Variants in TRDMT1 observed in about 807,000 individuals in gnomAD.
TRDMT1 encodes the protein tRNA (cytosine(38)-C(5))-methyltransferase.
Under a neutral mutation model 51.2 loss-of-function variants are expected in TRDMT1, and 49 were observed. That is an observed-to-expected ratio of 0.96 (90% confidence interval 0.76 to 1.21). TRDMT1 has a LOEUF of 1.21. TRDMT1 is among the 50% of genes most tolerant of loss of function. TRDMT1 has a pLI of 0.00. For synonymous variants in TRDMT1, 187 were observed against 164.6 expected (o/e 1.14, Z -1.04); for missense variants, 534 against 462.3 (o/e 1.16, Z -1.42).
In TRDMT1 at chr10:17,138,467, A is replaced by G. The variant is rs183232770; in HGVS notation, c.*10573T>C. The stretch of plus-strand genomic sequence containing the variant: ...AAAATAATGATGGAAATCAAGGTAC[A>G]TTTAAAACTATTCTTTTGCTCATTT... On this transcript the variant is annotated 3_prime_UTR_variant, in exon 11 of 11. Transcript: ENST00000377799. Among the ~76,000 whole-genome samples the G allele has an allele frequency of 2.2e-4, 33 of 152,346 alleles. No homozygotes were observed. In the East Asian group the frequency reaches 5.8e-3, roughly 27 times the overall value.
Position 17,148,947 on chromosome 10 carries a change from A to C in TRDMT1, c.*93T>G, listed in dbSNP as rs543246431. 1.0e-5 allele frequency: 14 copies of C among 1,403,768 alleles called. No homozygotes were observed. In the South Asian group the frequency reaches 2.1e-4, roughly 21 times the overall value. The allele number at this position is 1,403,768 out of a possible 1,614,324, so 87.0% of individuals were successfully genotyped here. A position where few individuals can be genotyped will look rare whatever the true frequency, so the allele number is the denominator to read the frequency against. ...AGGACAGATTAAAATAATTTAGTTA[A>C]ATTTCACCAGAATTAGTTCAAAACA... is the stretch of plus-strand genomic sequence containing the variant. On this transcript the variant is annotated 3_prime_UTR_variant, in exon 11 of 11. Transcript: ENST00000377799.
intron 2 of TRDMT1, chr10:17,169,681 A>AT (rs1841704299): frequency 2.2e-6 from 1 of 455,392 alleles, no homozygotes; most frequent in African/African-American, 2.0e-5. Flanking sequence ...GCCCACTTCT[A>AT]AGAAGTTCAA....
intron 10 of TRDMT1, chr10:17,153,130 AT>A (rs1414347367): frequency 7.9e-5 from 25 of 314,586 alleles, no homozygotes; most frequent in Non-Finnish European, 1.3e-4. Flanking sequence ...TAAAAAGCCA[AT>A]CGAAAGCATT....
intron 10 of TRDMT1, chr10:17,153,133 G>A (rs3780961): frequency 0.45 from 144,486 of 319,496 alleles, 35,363 homozygotes; most frequent in South Asian, 0.57. Flanking sequence ...AAAGCCAATC[G>A]AAAGCATTCT....
At chr10:17,154,362 T>C (rs1280413868) in intron 9 of TRDMT1, among the ~76,000 whole-genome samples, 1 of 152,168 alleles carries the variant, frequency 6.6e-6, no homozygotes. Flanking sequence ...TTAAGATGTT[T>C]GTACAACATT....
chr10:17,164,353 T>C (rs570511745), intron 3 of TRDMT1, among the ~76,000 whole-genome samples: 1 of 152,198 alleles, frequency 6.6e-6, no homozygotes, highest in Admixed American at 6.5e-5. Flanking sequence ...AAATTAGGTA[T>C]TGATGGGACA....
chr10:17,170,840 G>T (rs1841884949), intron 2 of TRDMT1, among the ~76,000 whole-genome samples: 1 of 152,038 alleles, frequency 6.6e-6, no homozygotes, highest in South Asian at 2.1e-4. Flanking sequence ...ATTGTATGCT[G>T]TAGGTTATCA....
rs1318208991 is a variant in TRDMT1, at chr10:17,139,255, A to C, written c.*9785T>G. 1.0e-5 allele frequency: 10 copies of C among 971,508 alleles called. No individual in the cohort carries two copies. The highest frequency in any genetic ancestry group is 1.2e-5 in the Non-Finnish European group (10 of 817,214). The allele number at this position is 971,508 out of a possible 1,614,324, so 60.2% of individuals were successfully genotyped here. On this transcript the variant is annotated 3_prime_UTR_variant, in exon 11 of 11. Coordinates refer to ENST00000377799, the MANE Select transcript of TRDMT1 (RefSeq NM_004412.7). ...TGGTGACCCCTAAAATTCCCCAAAC[A>C]AGGCGGTGAAGTTAAATATTTAGAC...
chr10:17,147,418 T>A lies in TRDMT1; in HGVS notation c.*1622A>T, dbSNP rs148125636. 2.6e-3 allele frequency: 2,247 copies of A among 871,702 alleles called. 46 individuals are homozygous for A. The African/African-American group carries it at 0.034, about 13-fold the overall frequency. The allele number at this position is 871,702 out of a possible 1,614,324, so 54.0% of individuals were successfully genotyped here. ...TAAAATATACATAATGTAAAATTTA[T>A]CATTTTAACTATTTTTAAATATACA... On this transcript the variant is annotated 3_prime_UTR_variant, in exon 11 of 11. Coordinates refer to ENST00000377799, the MANE Select transcript of TRDMT1 (RefSeq NM_004412.7).
intron 6 of TRDMT1, 48 bp from the exon 7 acceptor site, chr10:17,159,277 C>G (rs201226608): frequency 1.4e-6 from 2 of 1,389,234 alleles, no homozygotes; most frequent in African/African-American, 2.9e-5. Flanking sequence ...TTAAAGAGAG[C>G]GGTACCAACT....
Position 17,146,075 on chromosome 10 carries a change from G to A in TRDMT1, c.*2965C>T, listed in dbSNP as rs562743910. On this transcript the variant is annotated 3_prime_UTR_variant, in exon 11 of 11. Coordinates refer to ENST00000377799, the MANE Select transcript of TRDMT1 (RefSeq NM_004412.7). ...CCCCATCCAATTTTACATCCCACAT[G>A]GTAGCAATACAGCCTTTCAGGGCAA... 5 of 985,316 alleles carry A rather than the reference G, an allele frequency of 5.1e-6. No homozygotes were observed. The highest frequency in any genetic ancestry group is 9.4e-5 in the South Asian group (2 of 21,286). 61.0% of individuals were successfully genotyped at this position (985,316 alleles called of 1,614,324 possible). A position where few individuals can be genotyped will look rare whatever the true frequency, so the allele number is the denominator to read the frequency against.
Position 17,143,727 on chromosome 10 carries a change from C to T in TRDMT1, c.*5313G>A, listed in dbSNP as rs757253985. On this transcript the variant is annotated 3_prime_UTR_variant, in exon 11 of 11. Transcript: ENST00000377799. ...CTAAAAATAAATGATCGTTCAGAGG[C>T]CTGCCTTAGGAAGGCCATTTTAACA... 3.1e-5 allele frequency: 31 copies of T among 985,212 alleles called. No individual in the cohort carries two copies. The highest frequency in any genetic ancestry group is 5.2e-4 in the Middle Eastern group (1 of 1,936). 61.0% of individuals were successfully genotyped at this position (985,212 alleles called of 1,614,324 possible).
intron 1 of TRDMT1, among the ~76,000 whole-genome samples, chr10:17,190,864 A>G (rs995672827): frequency 5.9e-5 from 9 of 152,268 alleles, no homozygotes; most frequent in Admixed American, 2.0e-4. Flanking sequence ...AGAGAGACAG[A>G]CAATAAACAA....
rs935315956 is a variant in TRDMT1, at chr10:17,137,916, G to A, written c.*11124C>T. Among the ~76,000 whole-genome samples the A allele has an allele frequency of 6.6e-6, 1 of 152,038 alleles. No homozygotes were observed. The highest frequency in any genetic ancestry group is 2.4e-5 in the African/African-American group (1 of 41,392). On this transcript the variant is annotated 3_prime_UTR_variant, in exon 11 of 11. Coordinates refer to ENST00000377799, the MANE Select transcript of TRDMT1 (RefSeq NM_004412.7). ...GTGGCTGGGTAAAGGAAGAGACATC[G>A]ACAGAAGGCCTTAAGTGGCAGGTTA...
At chr10:17,154,207 T>C (rs558457753) in intron 9 of TRDMT1, among the ~76,000 whole-genome samples, 3 of 152,120 alleles carry the variant, frequency 2.0e-5, no homozygotes, top group African/African-American at 4.8e-5. Flanking sequence ...CAAAAAAATA[T>C]AAAACTTGCT....
intron 1 of TRDMT1, among the ~76,000 whole-genome samples, chr10:17,188,629 T>C (rs1264017850): frequency 6.6e-6 from 1 of 152,222 alleles, no homozygotes; most frequent in Non-Finnish European, 1.5e-5. Flanking sequence ...AATGATTTTA[T>C]TCTACTTTCT....
chr10:17,148,489 T>A lies in TRDMT1; in HGVS notation c.*551A>T. Reference sequence around the variant, plus strand: ...GGAGAGGTAATCAAACATTTAGGATTATTTTTCCTGACATATTCTTCAGTC... The same window carrying A: ...GGAGAGGTAATCAAACATTTAGGATAATTTTTCCTGACATATTCTTCAGTC... On this transcript the variant is annotated 3_prime_UTR_variant, in exon 11 of 11. Transcript: ENST00000377799. 1 of 985,466 alleles carries A rather than the reference T, an allele frequency of 1.0e-6. No homozygotes were observed. Among genetic ancestry groups the A allele is most frequent in the South Asian group, 4.7e-5 (1 of 21,292 alleles). 61.0% of individuals were successfully genotyped at this position (985,466 alleles called of 1,614,324 possible).
At chr10:17,192,984 G>A (rs930262400) in intron 1 of TRDMT1, among the ~76,000 whole-genome samples, 6 of 152,072 alleles carry the variant, frequency 3.9e-5, no homozygotes, top group Admixed American at 2.0e-4. Flanking sequence ...TTCCCCTTGC[G>A]AACTGAAACA....
chr10:17,173,706 G>A (rs575484362), intron 2 of TRDMT1, among the ~76,000 whole-genome samples: 1 of 151,024 alleles, frequency 6.6e-6, no homozygotes, highest in South Asian at 2.1e-4. Context: ...TGTAAATTAT[G>A]AGAAATTTCA....
Sources: gnomAD v4.1 joint callset for allele counts (sites outside exome capture counted in the v4.1 genomes callset) on GRCh38, gnomAD v4.1.1 for gene constraint, MANE v1.5 for transcripts, NCBI Gene and HGNC (gene_info 2026-07-23, HGNC 2026-07-21) for gene names.